C11orf65: variants seen among roughly 807,000 people sequenced by gnomAD.
C11orf65 encodes chromosome 11 open reading frame 65, also known as protein MFI.
In C11orf65, 38 loss-of-function variants were observed where a neutral mutation model predicts 35.3. The ratio of observed to expected loss-of-function variants is 1.08; its 90% CI spans 0.83 to 1.41. The LOEUF (loss-of-function observed/expected upper bound fraction) is 1.41. C11orf65 is among the 40% of genes most tolerant of loss of function. The probability of loss-of-function intolerance (pLI) is 0.00; values close to 1 mark genes in which losing one functional copy is unlikely to be tolerated. For synonymous variants in C11orf65, 105 were observed against 114.4 expected (o/e 0.92, Z 0.53); for missense variants, 370 against 367.1 (o/e 1.01, Z -0.06).
At chr11:108,418,690 C>T (rs759503043) in intron 3 of C11orf65, among the ~76,000 whole-genome samples, 4 of 151,150 alleles carry the variant, frequency 2.6e-5, no homozygotes, top group Non-Finnish European at 3.0e-5. Flanking sequence ...ATGAACAACA[C>T]AAAGAAACAA....
intron 6 of C11orf65, among the ~76,000 whole-genome samples, chr11:108,403,339 G>T (rs1456472645): frequency 6.7e-6 from 1 of 148,838 alleles, no homozygotes; most frequent in East Asian, 2.0e-4. Flanking sequence ...TAATTTGCTA[G>T]GTATGTATCT....
At chr11:108,415,587 T>C (rs960137960) in intron 3 of C11orf65, among the ~76,000 whole-genome samples, 14 of 152,200 alleles carry the variant, frequency 9.2e-5, no homozygotes, top group African/African-American at 3.4e-4. Context: ...CAGGAACTTA[T>C]TTTGTGTATA....
rs2086423868 is a variant in C11orf65 at position 108,332,854 on chromosome 11, T to C, written c.300-1287A>G. On this transcript the variant is annotated intron_variant, in intron 3 of 3. Transcript: ENST00000524755. The stretch of plus-strand genomic sequence containing the variant: ...GTGTTGAGGCACTTTGTGATGCTTA[T>C]ATTATATTAGCAAACTTAGATGCCA... The C allele has an allele frequency of 1.2e-6, 2 of 1,613,288 alleles. No homozygotes were observed. Among genetic ancestry groups the C allele is most frequent in the Non-Finnish European group, 8.5e-7 (1 of 1,179,664 alleles).
chr11:108,447,011 C>G (rs1414073649), intron 2 of C11orf65, among the ~76,000 whole-genome samples: 1 of 152,016 alleles, frequency 6.6e-6, no homozygotes, highest in Non-Finnish European at 1.5e-5. Context: ...GACTTTAAAC[C>G]AACAAAGATC....
intron 3 of C11orf65, among the ~76,000 whole-genome samples, chr11:108,421,383 C>G (rs961525712): frequency 2.0e-5 from 3 of 152,150 alleles, no homozygotes; most frequent in African/African-American, 7.2e-5. Context: ...AGGCCAGGTG[C>G]GATAGCTCAC....
chr11:108,410,992 A>G lies in C11orf65; in HGVS notation c.175-3843T>C, dbSNP rs145004351. On this transcript the variant is annotated intron_variant, in intron 3 of 8. Transcript: ENST00000393084. ...CCAAACTGCTGGTATTACAGGCATGAGCCACCATGCCCGGCCCCCTTCCTT... is the reference window on the plus strand; with the variant it reads ...CCAAACTGCTGGTATTACAGGCATGGGCCACCATGCCCGGCCCCCTTCCTT... Among the ~76,000 whole-genome samples the G allele has an allele frequency of 4.9e-3, 745 of 152,222 alleles. 8 individuals carry two copies. Among genetic ancestry groups the G allele is most frequent in the Admixed American group, 9.0e-3 (137 of 15,284 alleles).
chr11:108,379,007 GAA>G, downstream of C11orf65, among the ~76,000 whole-genome samples: 1 of 152,124 alleles, frequency 6.6e-6, no homozygotes, highest in South Asian at 2.1e-4. Context: ...GGAGAAATAG[GAA>G]CCCTTTTACA....
At chr11:108,350,964 T>C (rs187904819) in intron 2 of C11orf65, among the ~76,000 whole-genome samples, 3 of 152,332 alleles carry the variant, frequency 2.0e-5, no homozygotes, top group African/African-American at 4.8e-5. Context: ...TATAAAAATG[T>C]TTATAGTAGC....
At chr11:108,426,966 G>C (rs1251412790) in intron 3 of C11orf65, among the ~76,000 whole-genome samples, 1 of 152,086 alleles carries the variant, frequency 6.6e-6, no homozygotes, top group Non-Finnish European at 1.5e-5. Context: ...AATAGTGCTG[G>C]GAAAAATGGC....
rs1180305176 is a variant in C11orf65, at chr11:108,315,754, T to G, written c.641-6683A>C. The G allele has an allele frequency of 8.1e-6, 10 of 1,240,390 alleles. No individual in the cohort carries two copies. In the Admixed American group the frequency reaches 1.4e-4, roughly 18 times the overall value. The allele number at this position is 1,240,390 out of a possible 1,614,324, so 76.8% of individuals were successfully genotyped here. A position where few individuals can be genotyped will look rare whatever the true frequency, so the allele number is the denominator to read the frequency against. ...AGTTACATATTGGTAATGATACAAT[T>G]TAAAATTTGCTAAATTTATAGACCG... On this transcript the variant is annotated intron_variant, in intron 6 of 6. Transcript: ENST00000525729.
intron 2 of C11orf65, among the ~76,000 whole-genome samples, chr11:108,434,180 T>A (rs1291793818): frequency 2.0e-5 from 3 of 152,262 alleles, no homozygotes; most frequent in East Asian, 1.9e-4. Flanking sequence ...TTGCACTATG[T>A]GCTCATGAAC....
intron 2 of C11orf65, among the ~76,000 whole-genome samples, chr11:108,372,616 G>A (rs1233668201): frequency 6.6e-6 from 1 of 152,222 alleles, no homozygotes; most frequent in Non-Finnish European, 1.5e-5. Context: ...GCAGTGTAAA[G>A]CATCATGGAC....
At chr11:108,347,512 T>C (rs1312698962) in intron 2 of C11orf65, 13 of 683,848 alleles carry the variant, frequency 1.9e-5, no homozygotes, top group Non-Finnish European at 2.8e-5. Context: ...GCATAAACAG[T>C]TGTCCTAGAA....
intron 6 of C11orf65, among the ~76,000 whole-genome samples, chr11:108,397,536 T>C (rs1045146958): frequency 6.6e-6 from 1 of 151,454 alleles, no homozygotes; most frequent in African/African-American, 2.4e-5. Context: ...GCAAAGGAGG[T>C]TGAGGAAAGC....
intron 2 of C11orf65, among the ~76,000 whole-genome samples, chr11:108,362,186 A>C (rs1191077349): frequency 6.9e-6 from 1 of 145,002 alleles, no homozygotes; most frequent in Non-Finnish European, 1.5e-5. Context: ...CAGCCAAAAA[A>C]CACATGAAAA....
intron 3 of C11orf65, among the ~76,000 whole-genome samples, chr11:108,412,735 G>A (rs1316542712): frequency 6.6e-6 from 1 of 151,978 alleles, no homozygotes; most frequent in Admixed American, 6.6e-5. Flanking sequence ...AGGCTTTATC[G>A]AAGAGGAAGA....
chr11:108,447,274 C>G (rs2093277171), intron 2 of C11orf65, among the ~76,000 whole-genome samples: 1 of 152,088 alleles, frequency 6.6e-6, no homozygotes, highest in African/African-American at 2.4e-5. Flanking sequence ...AGCTCTGCAC[C>G]AAGCGGACCT....
At chr11:108,310,501 T>C (rs4988070) in intron 6 of C11orf65, among the ~76,000 whole-genome samples, 1,809 of 152,286 alleles carry the variant, frequency 0.012, 41 homozygotes, top group African/African-American at 0.041. Context: ...TCTGAAATAA[T>C]AGGAATGCTT....
In C11orf65 at chr11:108,431,778, G is replaced by A. The variant is rs760419195; in HGVS notation, c.142C>T (p.Arg48Cys). 1.3e-5 allele frequency: 20 copies of A among 1,516,890 alleles called. No homozygotes were observed. The highest frequency in any genetic ancestry group is 3.5e-5 in the Admixed American group (2 of 56,342). 94.0% of individuals were successfully genotyped at this position (1,516,890 alleles called of 1,614,324 possible). Residue 48 changes from arginine to cysteine, a missense_variant, in exon 3 of 9, where the codon CGT becomes TGT. Coordinates refer to ENST00000393084, the MANE Select transcript of C11orf65 (RefSeq NM_152587.5). ...GGATTAATATATTTCACTATCTGAC[G>A]TGGTTCTCCTTGTCTTCTTAAATCA... Reference protein sequence around the residue: ...LIDLRRQGEPRQIVKYINPKE... With the variant: ...LIDLRRQGEPCQIVKYINPKE...
Sources: allele counts gnomAD v4.1 joint callset (sites outside exome capture counted in the v4.1 genomes callset), GRCh38; gene constraint gnomAD v4.1.1; transcripts MANE v1.5; gene names NCBI Gene and HGNC (gene_info 2026-07-23, HGNC 2026-07-21).